The following INTS9 variants were observed in gnomAD, a reference collection of about 807,000 sequenced individuals.
The protein encoded by INTS9 is integrator complex subunit 9.
INTS9 carries 55 observed loss-of-function variants against 79.7 expected under a neutral mutation model. That is an observed-to-expected ratio of 0.69 (90% confidence interval 0.56 to 0.86). The LOEUF (loss-of-function observed/expected upper bound fraction) is 0.86, where lower values mean the gene tolerates loss of function less well. Among genes scored for constraint, INTS9 ranks in the 40% least tolerant of loss-of-function variants. The pLI is 0.00. For synonymous variants in INTS9, 319 were observed against 325.2 expected (o/e 0.98, Z 0.20); for missense variants, 721 against 831.5 (o/e 0.87, Z 1.64).
chr8:28,784,016 C>A (rs1447078034), intron 11 of INTS9: 1 of 152,212 alleles, frequency 6.6e-6, no homozygotes, highest in Non-Finnish European at 1.5e-5. Context: ...CCAATTGGAT[C>A]TACCTTTCTA....
chr8:28,873,653 A>C (rs897946540), intron 1 of INTS9, among the ~76,000 whole-genome samples: 2 of 152,242 alleles, frequency 1.3e-5, no homozygotes, highest in Non-Finnish European at 2.9e-5. Flanking sequence ...ATATATAGGT[A>C]AAAATTCATC....
chr8:28,844,826 T>A (rs1029591647), intron 4 of INTS9, among the ~76,000 whole-genome samples: 7 of 151,988 alleles, frequency 4.6e-5, no homozygotes, highest in African/African-American at 1.4e-4. Flanking sequence ...AAAAAAAAAA[T>A]TTTTCTTTTT....
intron 8 of INTS9, among the ~76,000 whole-genome samples, chr8:28,808,075 GC>G (rs1563264726): frequency 1.3e-5 from 2 of 152,142 alleles, no homozygotes; most frequent in Non-Finnish European, 2.9e-5. Flanking sequence ...GCACTCTTTG[GC>G]CTCAATTTTC....
At chr8:28,881,810 C>T (rs1475805409) in intron 1 of INTS9, among the ~76,000 whole-genome samples, 19 of 139,398 alleles carry the variant, frequency 1.4e-4, no homozygotes, top group African/African-American at 2.7e-4. Flanking sequence ...CCTGGCCAGC[C>T]GCCCCGTCCG....
At chr8:28,841,510 T>G (rs1447332626) in intron 4 of INTS9, among the ~76,000 whole-genome samples, 1 of 152,204 alleles carries the variant, frequency 6.6e-6, no homozygotes, top group East Asian at 1.9e-4. Flanking sequence ...ATTATTCTGT[T>G]GGTATATATC....
intron 1 of INTS9, among the ~76,000 whole-genome samples, chr8:28,867,198 G>A (rs537911031): frequency 5.3e-5 from 8 of 152,258 alleles, no homozygotes; most frequent in Non-Finnish European, 1.0e-4. Flanking sequence ...CAAGGCGGGT[G>A]GATCACTTGA....
chr8:28,780,416 C>T (rs1276082284), intron 12 of INTS9: 1 of 983,294 alleles, frequency 1.0e-6, no homozygotes, highest in Admixed American at 6.2e-5. Context: ...ATTTTTTCCC[C>T]TGAGGGATTT....
chr8:28,868,223 A>C (rs1278778674), intron 1 of INTS9, among the ~76,000 whole-genome samples: 1 of 152,258 alleles, frequency 6.6e-6, no homozygotes, highest in Non-Finnish European at 1.5e-5. Context: ...AAAGGTCCCA[A>C]GTAAATTAAA....
intron 10 of INTS9, among the ~76,000 whole-genome samples, chr8:28,791,559 C>A (rs1022416360): frequency 3.3e-5 from 5 of 152,182 alleles, no homozygotes; most frequent in Non-Finnish European, 7.4e-5. Context: ...GAATGCCTTT[C>A]TTAACCCCCC....
chr8:28,816,022 G>A (rs1805449730), intron 6 of INTS9, among the ~76,000 whole-genome samples: 1 of 151,916 alleles, frequency 6.6e-6, no homozygotes, highest in South Asian at 2.1e-4. Context: ...GATTTTATCA[G>A]TGTTTTTAAT....
intron 1 of INTS9, among the ~76,000 whole-genome samples, chr8:28,885,786 C>T (rs1272886114): frequency 6.6e-6 from 1 of 152,194 alleles, no homozygotes; most frequent in Non-Finnish European, 1.5e-5. Context: ...AACTGGCCAT[C>T]AGCGTACTCA....
intron 15 of INTS9, among the ~76,000 whole-genome samples, chr8:28,770,356 G>C (rs1371721135): frequency 6.6e-6 from 1 of 152,220 alleles, no homozygotes; most frequent in Admixed American, 6.5e-5. Flanking sequence ...GGTACATCAT[G>C]ACCCCGTGGC....
intron 1 of INTS9, among the ~76,000 whole-genome samples, chr8:28,875,289 C>CA (rs143954319): frequency 0.1 from 15,093 of 151,366 alleles, 992 homozygotes; most frequent in Middle Eastern, 0.16. Context: ...CACTACAAAG[C>CA]AAAAAAAATA....
intron 6 of INTS9, among the ~76,000 whole-genome samples, 158 bp downstream of exon 6, chr8:28,835,134 T>C (rs146968545): frequency 2.3e-3 from 357 of 152,374 alleles, no homozygotes; most frequent in African/African-American, 8.2e-3. Flanking sequence ...TCAAAAAATG[T>C]TGGTTGAATC....
In INTS9 at chr8:28,863,247, GT is replaced by G. The variant is rs1185922462; in HGVS notation, c.10-3685del. Among the ~76,000 whole-genome samples, 3 of 152,186 alleles carry G rather than the reference GT, an allele frequency of 2.0e-5. No individual in the cohort carries two copies. In the East Asian group the frequency reaches 5.8e-4, roughly 29 times the overall value. On this transcript the variant is annotated intron_variant, in intron 1 of 16. Coordinates refer to ENST00000521022, the MANE Select transcript of INTS9 (RefSeq NM_018250.4). ...TTCAGGAAGATAGATCCACTAGTAA[GT>G]ACAGAATAATCTTTATTTTTTTCTA...
At chr8:28,795,569 G>C (rs1804160506) in intron 9 of INTS9, among the ~76,000 whole-genome samples, 1 of 150,484 alleles carries the variant, frequency 6.6e-6, no homozygotes, top group Non-Finnish European at 1.5e-5. Context: ...GAACCTGGGA[G>C]GCGGAGGTTG....
At chr8:28,807,450 T>C (rs1804872637) in intron 8 of INTS9, among the ~76,000 whole-genome samples, 1 of 152,192 alleles carries the variant, frequency 6.6e-6, no homozygotes, top group African/African-American at 2.4e-5. Context: ...TGGGCCCATT[T>C]TTCACCTATG....
chr8:28,769,106 T>C (rs1802377876), intron 16 of INTS9, among the ~76,000 whole-genome samples: 1 of 152,160 alleles, frequency 6.6e-6, no homozygotes, highest in African/African-American at 2.4e-5. Context: ...AGCCAGAGCC[T>C]TTTTCCCTAC....
At chr8:28,840,830 T>C (rs1807138168) in intron 4 of INTS9, among the ~76,000 whole-genome samples, 1 of 149,460 alleles carries the variant, frequency 6.7e-6, no homozygotes, top group East Asian at 2.0e-4. Flanking sequence ...TTAAGAGATA[T>C]ACCTAATGCT....
Sources: gnomAD v4.1 joint callset for allele counts (sites outside exome capture counted in the v4.1 genomes callset) on GRCh38, gnomAD v4.1.1 for gene constraint, MANE v1.5 for transcripts, NCBI Gene and HGNC (gene_info 2026-07-23, HGNC 2026-07-21) for gene names.